The following JAKMIP2 variants were observed in gnomAD, a reference collection of about 807,000 sequenced individuals.
The protein encoded by JAKMIP2 is janus kinase and microtubule-interacting protein 2.
Under a neutral mutation model 115.0 loss-of-function variants are expected in JAKMIP2, and 25 were observed. That is an observed-to-expected ratio of 0.22 (90% CI 0.16 to 0.30). JAKMIP2 has a LOEUF of 0.30. Among genes scored for constraint, JAKMIP2 ranks in the 10% least tolerant of loss-of-function variants. The probability of loss-of-function intolerance (pLI) is 1.00; values close to 1 mark genes in which losing one functional copy is unlikely to be tolerated. For synonymous variants in JAKMIP2, 334 were observed against 343.6 expected, an observed-to-expected ratio of 0.97 and a Z score of 0.31; for missense variants, 642 against 957.6, an observed-to-expected ratio of 0.67 and a Z score of 4.35.
At chr5:147,743,789 C>A in intron 1 of JAKMIP2, among the ~76,000 whole-genome samples, 1 of 152,086 alleles carries the variant, frequency 6.6e-6, no homozygotes, top group East Asian at 1.9e-4. Context: ...GCCCTTGAAG[C>A]CCTTAACCTC....
intron 20 of JAKMIP2, among the ~76,000 whole-genome samples, chr5:147,603,243 T>C (rs907198828): frequency 6.6e-6 from 1 of 152,192 alleles, no homozygotes; most frequent in African/African-American, 2.4e-5. Flanking sequence ...TTTAATTTCT[T>C]TGAGCCATTG....
At chr5:147,687,922 A>G (rs1203863715) in intron 1 of JAKMIP2, among the ~76,000 whole-genome samples, 1 of 152,220 alleles carries the variant, frequency 6.6e-6, no homozygotes, top group Non-Finnish European at 1.5e-5. Flanking sequence ...ATGTCATGCA[A>G]CTTGTATGCG....
chr5:147,652,504 G>T (rs1483338901), intron 3 of JAKMIP2, among the ~76,000 whole-genome samples: 3 of 152,084 alleles, frequency 2.0e-5, no homozygotes, highest in Middle Eastern at 3.2e-3. Context: ...AAATTTTCTA[G>T]ACAGAACAAC....
rs746010111 is a variant in JAKMIP2, at chr5:147,661,231, T to C, written c.344A>G (p.Lys115Arg). 3.1e-6 allele frequency: 5 copies of C among 1,614,018 alleles called. No individual in the cohort carries two copies. The highest frequency in any genetic ancestry group is 4.2e-6 in the Non-Finnish European group (5 of 1,180,008). ...GTCGCGGAGAGCACAGAGAGCAGAC[T>C]TGAGCCTCTGGATCTCTCCATCACG... ...KVRDGEIQRL[K>R]SALCALRDGS... The change falls in exon 3 of 22, where the codon AAG becomes AGG. Residue 115 changes from lysine (K) to arginine (R), a missense_variant. Around this residue, in one of 6 missense-constraint regions of JAKMIP2, gnomAD observed 439 missense variants for 570.9 expected, o/e 0.77. Coordinates refer to ENST00000616793, the MANE Select transcript of JAKMIP2 (RefSeq NM_001270941.2).
intron 1 of JAKMIP2, among the ~76,000 whole-genome samples, chr5:147,730,448 A>ATTT (rs10690155): frequency 3.9e-4 from 56 of 145,414 alleles, no homozygotes; most frequent in African/African-American, 1.2e-3. Context: ...ATCTTGCCCT[A>ATTT]TTTTTTTTTT....
At chr5:147,700,489 AAT>A (rs1311760009) in intron 1 of JAKMIP2, among the ~76,000 whole-genome samples, 1 of 152,194 alleles carries the variant, frequency 6.6e-6, no homozygotes, top group Non-Finnish European at 1.5e-5. Flanking sequence ...GAGAAAGGCT[AAT>A]ATATGTCTCA....
chr5:147,723,721 A>T (rs1753406662), intron 1 of JAKMIP2, among the ~76,000 whole-genome samples: 1 of 152,184 alleles, frequency 6.6e-6, no homozygotes, highest in Admixed American at 6.5e-5. Context: ...AGTCTGTATA[A>T]CCATTATTAG....
At chr5:147,727,365 T>A (rs1293265651) in intron 1 of JAKMIP2, among the ~76,000 whole-genome samples, 1 of 152,202 alleles carries the variant, frequency 6.6e-6, no homozygotes, top group African/African-American at 2.4e-5. Context: ...ATAAAGAACT[T>A]CCCTGAGACT....
intron 1 of JAKMIP2, among the ~76,000 whole-genome samples, chr5:147,675,899 C>A (rs1186536438): frequency 6.9e-6 from 1 of 145,634 alleles, no homozygotes; most frequent in Non-Finnish European, 1.5e-5. Context: ...GAATAATATT[C>A]TATTGTAGGG....
Position 147,661,291 on chromosome 5 carries a change from T to C in JAKMIP2, c.284A>G (p.Gln95Arg). The change falls in exon 3 of 22, where the codon CAG becomes CGG. Residue 95 changes from glutamine (Q) to arginine (R), a missense_variant. Physicochemically the swap from Gln to Arg is conservative, Grantham distance 43 (BLOSUM62 1). Coordinates refer to ENST00000616793, the MANE Select transcript of JAKMIP2 (RefSeq NM_001270941.2). ...CGTCCTTGACATTTCCTGCTCGTGC[T>C]GCTTGATAAGGTTCTCCCTCACAGC... ...LQAVRENLIK[Q>R]HEQEMSRTVK... 1 of 1,614,046 alleles carries C rather than the reference T, an allele frequency of 6.2e-7. No homozygotes were observed. Among genetic ancestry groups the C allele is most frequent in the Non-Finnish European group, 8.5e-7 (1 of 1,180,028 alleles).
chr5:147,722,066 A>G (rs1232959786), intron 1 of JAKMIP2, among the ~76,000 whole-genome samples: 1 of 152,190 alleles, frequency 6.6e-6, no homozygotes, highest in Non-Finnish European at 1.5e-5. Context: ...AATAATTTAC[A>G]ATACAAAAGT....
rs1245613392 is a variant in JAKMIP2 at position 147,630,076 on chromosome 5, T to G, written c.1876-330A>C. On this transcript the variant is annotated intron_variant, in intron 14 of 21. Transcript: ENST00000616793. ...AAGACTTGGAATATTCTCATTAACT[T>G]TCTTCTCATGACTGCCAAATCTTTT... Among the ~76,000 whole-genome samples the G allele has an allele frequency of 4.6e-5, 7 of 152,158 alleles. No individual in the cohort carries two copies. In the East Asian group the frequency reaches 1.2e-3, roughly 25 times the overall value.
At chr5:147,680,033 G>A (rs1272244469) in intron 1 of JAKMIP2, among the ~76,000 whole-genome samples, 3 of 152,170 alleles carry the variant, frequency 2.0e-5, no homozygotes, top group Non-Finnish European at 4.4e-5. Context: ...GTATATTCTT[G>A]AGAAGTTGCT....
chr5:147,665,804 C>T (rs1044711154), intron 2 of JAKMIP2, among the ~76,000 whole-genome samples: 2 of 152,134 alleles, frequency 1.3e-5, no homozygotes, highest in Non-Finnish European at 2.9e-5. Flanking sequence ...ATAGGAGATA[C>T]TCCTTGATCT....
rs1315839141 is a variant in JAKMIP2 at position 147,632,789 on chromosome 5, A to G, written c.1678-11T>C. 1.3e-6 allele frequency: 2 copies of G among 1,566,024 alleles called. No individual in the cohort carries two copies. Among genetic ancestry groups the G allele is most frequent in the Non-Finnish European group, 1.8e-6 (2 of 1,137,870 alleles). ...CTCCTGTTTTTCTATCTAATAAAGT[A>G]AATCCTGAAGTTAGGTAAGCATTGA... On this transcript the variant is annotated splice_polypyrimidine_tract_variant and intron_variant, in intron 12 of 21. Coordinates refer to ENST00000616793, the MANE Select transcript of JAKMIP2 (RefSeq NM_001270941.2).
rs1485727568 is a variant in JAKMIP2, at chr5:147,767,190, G to A, written c.-149+15266C>T. Among the ~76,000 whole-genome samples the A allele has an allele frequency of 9.9e-5, 15 of 152,098 alleles. No homozygotes were observed. The South Asian group carries it at 1.2e-3, about 13-fold the overall frequency. Reference sequence around the variant, plus strand: ...ATGGCAACATTGTGTGTGCACACGCGTGCACGCACACACACATATACACAG... The same window carrying A: ...ATGGCAACATTGTGTGTGCACACGCATGCACGCACACACACATATACACAG... On this transcript the variant is annotated intron_variant, in intron 1 of 21. Transcript: ENST00000616793.
At chr5:147,636,933 A>C (rs1447948033) in intron 11 of JAKMIP2, 32 bp downstream of exon 11, 1 of 872,470 alleles carries the variant, frequency 1.1e-6, no homozygotes, top group East Asian at 2.4e-5. Context: ...AATTGTCTGC[A>C]TCTGCAGAAG....
At chr5:147,752,210 G>T (rs1458069667) in intron 1 of JAKMIP2, among the ~76,000 whole-genome samples, 1 of 152,086 alleles carries the variant, frequency 6.6e-6, no homozygotes, top group African/African-American at 2.4e-5. Context: ...TAGTACAGAG[G>T]CCCTGTCAAG....
At chr5:147,610,706 G>A (rs1015356671) in intron 20 of JAKMIP2, among the ~76,000 whole-genome samples, 3 of 152,232 alleles carry the variant, frequency 2.0e-5, no homozygotes, top group African/African-American at 7.2e-5. Context: ...CAGAGCTTGA[G>A]CGCTATGCTG....
Sources: allele counts gnomAD v4.1 joint callset (sites outside exome capture counted in the v4.1 genomes callset), GRCh38; gene constraint gnomAD v4.1.1; regional missense constraint gnomAD v4.1.1; transcripts MANE v1.5; gene names NCBI Gene and HGNC (gene_info 2026-07-23, HGNC 2026-07-21).